DES: variants seen among roughly 807,000 people sequenced by gnomAD.
DES encodes desmin.
In DES, 34 loss-of-function variants were observed where a neutral mutation model predicts 55.1. That is an observed-to-expected ratio of 0.62 (90% CI 0.47 to 0.82). The LOEUF (loss-of-function observed/expected upper bound fraction) is 0.82. Ranked by LOEUF, DES falls within the 40% of genes least tolerant of loss-of-function variation. The pLI is 0.00. For missense variants in DES, 596 were observed against 645.9 expected, an observed-to-expected ratio of 0.92 and a Z score of 0.84; for synonymous variants, 259 against 270.8, an observed-to-expected ratio of 0.96 and a Z score of 0.43.
intron 7 of DES, 152 bp downstream of exon 7, chr2:219,423,972 G>C (rs1954492374): frequency 1.2e-6 from 1 of 816,314 alleles, no homozygotes; most frequent in Admixed American, 2.0e-5. Flanking sequence ...CTGCGGGTAG[G>C]TGGGGGAGTT....
chr2:219,425,552 G>A, intron 7 of DES, 111 bp from the exon 8 acceptor site: 1 of 882,854 alleles, frequency 1.1e-6, no homozygotes, highest in Non-Finnish European at 1.8e-6. Flanking sequence ...TCTTGAGGGG[G>A]GTTGGGGTCT....
chr2:219,419,980 C>A lies in DES; in HGVS notation c.579-115C>A, dbSNP rs1257692789. ...CCCTGTCTCTCCTGCCTCTACCCAG[C>A]AGCCAGGCCCTCCCGCTCTGTCCTG... On this transcript the variant is annotated intron_variant, in intron 1 of 8. Transcript: ENST00000373960. This position sits in a 1 kb window ranked among gnomAD's most constrained non-coding sequence, Gnocchi z 4.3. The A allele has an allele frequency of 8.2e-6, 9 of 1,099,616 alleles. No homozygotes were observed. Among genetic ancestry groups the A allele is most frequent in the South Asian group, 2.6e-5 (2 of 78,186 alleles). 68.1% of individuals were successfully genotyped at this position (1,099,616 alleles called of 1,614,324 possible). A position where few individuals can be genotyped will look rare whatever the true frequency, so the allele number is the denominator to read the frequency against.
intron 7 of DES, among the ~76,000 whole-genome samples, chr2:219,424,473 A>C (rs1256049619): frequency 6.6e-6 from 1 of 152,220 alleles, no homozygotes; most frequent in African/African-American, 2.4e-5. Flanking sequence ...TCCTAGATCA[A>C]ACCTTTTCTA....
chr2:219,425,857 A>T (rs1218570493), intron 8 of DES, 92 bp from the exon 9 acceptor site: 2 of 1,600,952 alleles, frequency 1.2e-6, no homozygotes, highest in Non-Finnish European at 1.7e-6. Flanking sequence ...GGGGCAAGAG[A>T]GATCCTGCGG....
intron 7 of DES, among the ~76,000 whole-genome samples, chr2:219,424,759 A>G (rs1954505897): frequency 6.6e-6 from 1 of 152,242 alleles, no homozygotes. Flanking sequence ...CTTTGTGGCC[A>G]TGATAAGGTT....
Position 219,426,055 on chromosome 2 carries a change from C to G in DES, c.*65C>G, listed in dbSNP as rs1484400882. On this transcript the variant is annotated 3_prime_UTR_variant, in exon 9 of 9. Coordinates refer to ENST00000373960, the MANE Select transcript of DES (RefSeq NM_001927.4). The surrounding 1 kb of genome is among the most constrained non-coding windows in gnomAD (Gnocchi z 4.5). ...TGTCCTCACTGCTCCCTGAAGCCAG[C>G]CTTCTTCCATCCCAGGACACCACAC... 5.1e-6 allele frequency: 8 copies of G among 1,581,028 alleles called. No individual in the cohort carries two copies. The highest frequency in any genetic ancestry group is 1.7e-4 in the Middle Eastern group (1 of 6,036).
At chr2:219,423,936 G>A (rs1954491326) in intron 7 of DES, 116 bp downstream of exon 7, 1 of 1,193,946 alleles carries the variant, frequency 8.4e-7, no homozygotes. Context: ...GACAGACCTG[G>A]AGTCTGGGGA....
rs1442492782 is a variant in DES at position 219,425,929 on chromosome 2, G to C, written c.1372-20G>C. 3 of 1,613,874 alleles carry C rather than the reference G, an allele frequency of 1.9e-6. No individual in the cohort carries two copies. The highest frequency in any genetic ancestry group is 1.1e-5 in the South Asian group (1 of 91,064). On this transcript the variant is annotated intron_variant, in intron 8 of 8. Transcript: ENST00000373960. Reference sequence around the variant, plus strand: ...TCTCTGGCTAGCACATGGTTGGACTGGGCTTCTCTTCCTCCCCAGGTCGTC... The same window carrying C: ...TCTCTGGCTAGCACATGGTTGGACTCGGCTTCTCTTCCTCCCCAGGTCGTC...
intron 7 of DES, among the ~76,000 whole-genome samples, chr2:219,424,758 CATG>C (rs1282760914): frequency 6.6e-6 from 1 of 152,202 alleles, no homozygotes; most frequent in African/African-American, 2.4e-5. Context: ...GCTTTGTGGC[CATG>C]ATAAGGTTGG....
intron 6 of DES, among the ~76,000 whole-genome samples, chr2:219,422,359 C>T (rs1954460806): frequency 6.6e-6 from 1 of 151,882 alleles, no homozygotes; most frequent in Admixed American, 6.6e-5. Context: ...GAGGAAAAGA[C>T]ACAGACGTCA....
In DES at chr2:219,426,166, G is replaced by T. The variant is rs553673192; in HGVS notation, c.*176G>T. The T allele has an allele frequency of 5.2e-6, 4 of 772,224 alleles. No individual in the cohort carries two copies. The East Asian group carries it at 1.1e-4, about 21-fold the overall frequency. 47.8% of individuals were successfully genotyped at this position (772,224 alleles called of 1,614,324 possible). On this transcript the variant is annotated 3_prime_UTR_variant, in exon 9 of 9. Transcript: ENST00000373960. The surrounding 1 kb of genome is among the most constrained non-coding windows in gnomAD (Gnocchi z 4.5). ...CCCAACAGCGACATAGCCCATCCCT[G>T]CCTGGTCACAGGGCATGCCCCGGCC...
Position 219,421,580 on chromosome 2 carries a change from C to T in DES, c.1244+20C>T, listed in dbSNP as rs1205670028. On this transcript the variant is annotated intron_variant, in intron 6 of 8. Coordinates refer to ENST00000373960, the MANE Select transcript of DES (RefSeq NM_001927.4). ...GAGCCGGTGAGGGGCCAGGCAGGAG[C>T]CCGAGTGGGAGGTGCGGGGTGCTGG... 4 of 1,610,826 alleles carry T rather than the reference C, an allele frequency of 2.5e-6. No homozygotes were observed. The Admixed American group carries it at 5.0e-5, about 20-fold the overall frequency.
chr2:219,421,153 G>C (rs1954433390), intron 5 of DES, among the ~76,000 whole-genome samples, 187 bp from the exon 6 acceptor site: 1 of 152,234 alleles, frequency 6.6e-6, no homozygotes, highest in Non-Finnish European at 1.5e-5. Context: ...TGTGGGGACT[G>C]TGAGGCTGAA....
intron 5 of DES, 138 bp from the exon 6 acceptor site, chr2:219,421,202 A>G: frequency 9.9e-7 from 1 of 1,005,606 alleles, no homozygotes; most frequent in Non-Finnish European, 1.5e-6. Context: ...CTGAGTGTTC[A>G]CATATAGACT....
At position 219,420,239 on chromosome 2, in the gene DES, G is replaced by T; in HGVS notation, c.640-12G>T. 2.5e-6 allele frequency: 4 copies of T among 1,614,150 alleles called. No homozygotes were observed. Among genetic ancestry groups the T allele is most frequent in the Non-Finnish European group, 3.4e-6 (4 of 1,180,006 alleles). ...GGCGGTGACCATGTCCTTCTCGCTT[G>T]GCCTCTCCCAGGACGTGGATGCAGC... On this transcript the variant is annotated splice_polypyrimidine_tract_variant and intron_variant, in intron 2 of 8. Transcript: ENST00000373960. The surrounding 1 kb of genome is among the most constrained non-coding windows in gnomAD (Gnocchi z 6.0).
chr2:219,418,421 C>T lies in DES; in HGVS notation c.-42C>T. The T allele has an allele frequency of 6.5e-7, 1 of 1,539,390 alleles. No individual in the cohort carries two copies. Among genetic ancestry groups the T allele is most frequent in the Non-Finnish European group, 8.7e-7 (1 of 1,152,838 alleles). ...ACTCTCCGGCCGGCCGCCTGCCCGC[C>T]GCCTCCTCCGTGCGCCCGCCAGCCT... On this transcript the variant is annotated 5_prime_UTR_variant, in exon 1 of 9. Coordinates refer to ENST00000373960, the MANE Select transcript of DES (RefSeq NM_001927.4).
intron 6 of DES, among the ~76,000 whole-genome samples, chr2:219,422,362 A>G (rs1285274913): frequency 1.3e-5 from 2 of 152,040 alleles, no homozygotes; most frequent in Non-Finnish European, 2.9e-5. Flanking sequence ...GAAAAGACAC[A>G]GACGTCATGC....
In DES at chr2:219,426,327, T is replaced by C. The variant is rs1311487536; in HGVS notation, c.*337T>C. 27 of 483,978 alleles carry C rather than the reference T, an allele frequency of 5.6e-5. No individual in the cohort carries two copies. Among genetic ancestry groups the C allele is most frequent in the Non-Finnish European group, 9.9e-5 (26 of 262,774 alleles). 30.0% of individuals were successfully genotyped at this position (483,978 alleles called of 1,614,324 possible). A position where few individuals can be genotyped will look rare whatever the true frequency, so the allele number is the denominator to read the frequency against. ...GACCTCAGGCACTAGCCTTTGGCTC[T>C]GGAGACAGCCCCAGAGCAGGGTGTT... On this transcript the variant is annotated 3_prime_UTR_variant, in exon 9 of 9. Coordinates refer to ENST00000373960, the MANE Select transcript of DES (RefSeq NM_001927.4). This position sits in a 1 kb window ranked among gnomAD's most constrained non-coding sequence, Gnocchi z 4.5.
At position 219,418,388 on chromosome 2, in the gene DES, C is replaced by G. The variant is rs1043974105; in HGVS notation, c.-75C>G. ...CGGCTGGGGGCCCTGTCTCCCCTCG[C>G]CGCATCCACTCTCCGGCCGGCCGCC... On this transcript the variant is annotated 5_prime_UTR_variant, in exon 1 of 9. Transcript: ENST00000373960. The G allele has an allele frequency of 6.9e-7, 1 of 1,446,594 alleles. No homozygotes were observed. Among genetic ancestry groups the G allele is most frequent in the Admixed American group, 2.3e-5 (1 of 44,090 alleles). The allele number at this position is 1,446,594 out of a possible 1,614,324, so 89.6% of individuals were successfully genotyped here. A position where few individuals can be genotyped will look rare whatever the true frequency, so the allele number is the denominator to read the frequency against.
Sources: allele counts gnomAD v4.1 joint callset (sites outside exome capture counted in the v4.1 genomes callset), GRCh38; gene constraint gnomAD v4.1.1; non-coding constraint Gnocchi (gnomAD v3.1); transcripts MANE v1.5; gene names NCBI Gene and HGNC (gene_info 2026-07-23, HGNC 2026-07-21).